The following ELK3 variants were observed in gnomAD, a reference collection of about 807,000 sequenced individuals.
The protein encoded by ELK3 is ETS domain-containing protein Elk-3.
ELK3 carries 10 observed loss-of-function variants against 28.9 expected under a neutral mutation model. The observed-to-expected ratio is 0.35, with a 90% CI of 0.21 to 0.59. The LOEUF (loss-of-function observed/expected upper bound fraction) is 0.59. Ranked by LOEUF, ELK3 falls within the 20% of genes least tolerant of loss-of-function variation. The pLI, the probability that ELK3 is intolerant of heterozygous loss-of-function variation, is 0.82. For synonymous variants in ELK3, 272 were observed against 243.5 expected (o/e 1.12, Z -1.09); for missense variants, 463 against 517.3 (o/e 0.90, Z 1.02).
In ELK3 at chr12:96,267,099, T is replaced by G. The variant is rs759391172; in HGVS notation, c.1143T>G (p.Asn381Lys). 12 of 1,613,182 alleles carry G rather than the reference T, an allele frequency of 7.4e-6. No homozygotes were observed. In the East Asian group the frequency reaches 2.7e-4, roughly 36 times the overall value. ...STLFQFPTLL[N>K]GHMPVPIPSL... ...CCCTACAGTTCCCCACACTGCTTAA[T>G]GGCCACATGCCAGTGCCAATCCCCA... Residue 381 changes from asparagine (N) to lysine (K), a missense_variant, in exon 5 of 5, where the codon AAT (asparagine) becomes AAG (lysine). By Grantham distance (94) the Asn-to-Lys change is moderately conservative (BLOSUM62 0). Coordinates refer to ENST00000228741, the MANE Select transcript of ELK3 (RefSeq NM_005230.4).
intron 1 of ELK3, among the ~76,000 whole-genome samples, chr12:96,196,893 G>C (rs1040420526): frequency 1.3e-5 from 2 of 151,888 alleles, no homozygotes; most frequent in African/African-American, 4.8e-5. Context: ...GTTCTTTTAC[G>C]GTGGCAAAGT....
chr12:96,259,836 C>T lies in ELK3; in HGVS notation c.1108C>T (p.Pro370Ser), dbSNP rs1951980148. 1 of 1,603,424 alleles carries T rather than the reference C, an allele frequency of 6.2e-7. No individual in the cohort carries two copies. Among genetic ancestry groups the T allele is most frequent in the Non-Finnish European group, 8.5e-7 (1 of 1,175,966 alleles). Residue 370 changes from proline to serine, a missense_variant, in exon 4 of 5, where the codon CCA (proline) becomes TCA (serine). Around this residue, in one of 2 missense-constraint regions of ELK3, gnomAD observed 408 missense variants for 414.8 expected, o/e 0.98. Transcript: ENST00000228741. ...GCTGAGTCCTGCCAGGCTGCAAGGG[C>T]CAAGCACGCTGTTCCAGGTGAGCGT... ...APLSPARLQGPSTLFQFPTLL... is the reference protein window; with the variant it reads ...APLSPARLQGSSTLFQFPTLL...
chr12:96,198,019 G>C (rs1020102672), intron 1 of ELK3: 1 of 152,110 alleles, frequency 6.6e-6, no homozygotes. Context: ...ATATCTATCT[G>C]ATTCAGAAGA....
intron 4 of ELK3, among the ~76,000 whole-genome samples, chr12:96,266,771 G>A (rs1398975364): frequency 6.6e-6 from 1 of 152,090 alleles, no homozygotes; most frequent in African/African-American, 2.4e-5. Flanking sequence ...AGCATCCTGA[G>A]TAGCTTAGAA....
At chr12:96,263,139 C>T (rs1231195316) in intron 4 of ELK3, among the ~76,000 whole-genome samples, 1 of 152,094 alleles carries the variant, frequency 6.6e-6, no homozygotes, top group African/African-American at 2.4e-5. Flanking sequence ...AGTTGAACAG[C>T]TGAAGCATTT....
At chr12:96,214,778 TACTC>T (rs1212644736) in intron 1 of ELK3, among the ~76,000 whole-genome samples, 2 of 152,226 alleles carry the variant, frequency 1.3e-5, no homozygotes, top group Admixed American at 1.3e-4. Flanking sequence ...ACCTTACACT[TACTC>T]TGTGCTGAGT....
intron 1 of ELK3, among the ~76,000 whole-genome samples, chr12:96,206,407 C>T (rs1951538779): frequency 6.6e-6 from 1 of 152,034 alleles, no homozygotes; most frequent in Non-Finnish European, 1.5e-5. Flanking sequence ...ACTTCCGCCT[C>T]CCAGGTTAAA....
At chr12:96,231,210 A>G (rs902165684) in intron 2 of ELK3, among the ~76,000 whole-genome samples, 3 of 151,336 alleles carry the variant, frequency 2.0e-5, no homozygotes, top group African/African-American at 7.3e-5. Flanking sequence ...GAATTTTTGG[A>G]TAAGTTTTTT....
intron 1 of ELK3, among the ~76,000 whole-genome samples, chr12:96,221,975 CT>C (rs1324622573): frequency 1.3e-5 from 2 of 152,136 alleles, no homozygotes; most frequent in Non-Finnish European, 2.9e-5. Context: ...GAGCTGCCCC[CT>C]GGGTTGCGGT....
chr12:96,223,507 C>A, intron 1 of ELK3, 58 bp from the exon 2 acceptor site: 1 of 1,575,906 alleles, frequency 6.3e-7, no homozygotes, highest in South Asian at 1.1e-5. Flanking sequence ...CCTCTCTCCT[C>A]GCCAAGTTTG....
chr12:96,242,044 A>C (rs1592684292), intron 2 of ELK3, among the ~76,000 whole-genome samples: 1 of 152,228 alleles, frequency 6.6e-6, no homozygotes. Flanking sequence ...CTGGAGATGC[A>C]CTCAGCTCCA....
rs1249214177 is a variant in ELK3, at chr12:96,213,417, T to G, written c.-2-10148T>G. On this transcript the variant is annotated intron_variant, in intron 1 of 4. Coordinates refer to ENST00000228741, the MANE Select transcript of ELK3 (RefSeq NM_005230.4). Reference sequence around the variant, plus strand: ...GGATGGAAATAGGCCCTTTTCTGTCTTACTGTGGGCCCGCTCTGAAAATGT... The same window carrying G: ...GGATGGAAATAGGCCCTTTTCTGTCGTACTGTGGGCCCGCTCTGAAAATGT... Among the ~76,000 whole-genome samples, 5 of 152,312 alleles carry G rather than the reference T, an allele frequency of 3.3e-5. No homozygotes were observed. In the South Asian group the frequency reaches 8.3e-4, roughly 25 times the overall value.
intron 3 of ELK3, among the ~76,000 whole-genome samples, chr12:96,257,607 T>C (rs1951960451): frequency 6.6e-6 from 1 of 152,212 alleles, no homozygotes; most frequent in South Asian, 2.1e-4. Context: ...CTTTAAAGCT[T>C]TGAGAGCCTT....
At chr12:96,228,012 A>G (rs1383516059) in intron 2 of ELK3, among the ~76,000 whole-genome samples, 1 of 152,176 alleles carries the variant, frequency 6.6e-6, no homozygotes, top group Non-Finnish European at 1.5e-5. Flanking sequence ...AGACAGTGCA[A>G]AGAAGAAAAT....
chr12:96,229,185 G>A (rs1951724374), intron 2 of ELK3, among the ~76,000 whole-genome samples: 1 of 152,216 alleles, frequency 6.6e-6, no homozygotes. Flanking sequence ...TGTCATGAAA[G>A]TTGATATTAA....
At chr12:96,228,756 T>TA (rs1266358340) in intron 2 of ELK3, among the ~76,000 whole-genome samples, 7 of 152,166 alleles carry the variant, frequency 4.6e-5, no homozygotes, top group African/African-American at 1.7e-4. Flanking sequence ...TGGACTGTCT[T>TA]AGTGACTGGT....
At chr12:96,252,465 G>A (rs981170962) in intron 3 of ELK3, among the ~76,000 whole-genome samples, 1 of 152,048 alleles carries the variant, frequency 6.6e-6, no homozygotes, top group African/African-American at 2.4e-5. Context: ...AAAACCTTCT[G>A]GAAAGGAGTC....
chr12:96,210,565 GCACACACACACA>G (rs56257302), intron 1 of ELK3, among the ~76,000 whole-genome samples: 1 of 146,326 alleles, frequency 6.8e-6, no homozygotes, highest in Non-Finnish European at 1.5e-5. Context: ...GCGGGCGCAC[GCACACACACACA>G]CACACACACA....
intron 1 of ELK3, among the ~76,000 whole-genome samples, chr12:96,221,359 TC>T (rs1368786917): frequency 1.3e-5 from 2 of 152,200 alleles, no homozygotes; most frequent in Admixed American, 1.3e-4. Flanking sequence ...TGCCCTCCTG[TC>T]CCATTCGGAA....
Sources: gnomAD v4.1 joint callset for allele counts (sites outside exome capture counted in the v4.1 genomes callset) on GRCh38, gnomAD v4.1.1 for gene constraint, gnomAD v4.1.1 regional missense constraint, MANE v1.5 for transcripts, NCBI Gene and HGNC (gene_info 2026-07-23, HGNC 2026-07-21) for gene names.